Variants in CSMD2 observed in about 807,000 individuals in gnomAD.
The protein encoded by CSMD2 is CUB and Sushi multiple domains 2, also known as CUB and sushi domain-containing protein 2.
In CSMD2, 130 loss-of-function variants were observed where a neutral mutation model predicts 398.5. The observed-to-expected ratio is 0.33, with a 90% CI of 0.28 to 0.38. CSMD2 has a LOEUF of 0.38. Ranked by LOEUF, CSMD2 falls within the 10% of genes least tolerant of loss-of-function variation. CSMD2 has a pLI of 1.00. For synonymous variants in CSMD2, 1,828 were observed against 1,908.5 expected, an observed-to-expected ratio of 0.96 and a Z score of 1.10; for missense variants, 3,829 against 4,764.9, an observed-to-expected ratio of 0.80 and a Z score of 5.78.
At chr1:34,109,009 C>T (rs188769624) in intron 1 of CSMD2, among the ~76,000 whole-genome samples, 11 of 152,280 alleles carry the variant, frequency 7.2e-5, no homozygotes, top group Admixed American at 3.3e-4. Context: ...CATGTGGTCA[C>T]CAGCTGTTGG....
intron 19 of CSMD2, among the ~76,000 whole-genome samples, chr1:33,718,979 A>G (rs1225299304): frequency 6.6e-6 from 1 of 152,222 alleles, no homozygotes; most frequent in Non-Finnish European, 1.5e-5. Flanking sequence ...GCACCTACCA[A>G]GTGCCAGGCC....
intron 56 of CSMD2, among the ~76,000 whole-genome samples, chr1:33,546,520 C>G (rs1656911870): frequency 6.6e-6 from 1 of 152,242 alleles, no homozygotes; most frequent in Admixed American, 6.5e-5. Flanking sequence ...CACAGGTCCT[C>G]CTTCTCCCCT....
intron 25 of CSMD2, among the ~76,000 whole-genome samples, chr1:33,679,519 G>C (rs1644833431): frequency 6.6e-6 from 1 of 152,178 alleles, no homozygotes; most frequent in African/African-American, 2.4e-5. Flanking sequence ...AGTTCTGAGA[G>C]AGCTAACTTG....
chr1:34,115,780 A>C (rs1381426254), intron 1 of CSMD2, among the ~76,000 whole-genome samples: 2 of 152,116 alleles, frequency 1.3e-5, no homozygotes, highest in African/African-American at 4.8e-5. Flanking sequence ...CAAAATTGTA[A>C]AAGGTGAAAT....
chr1:34,151,204 A>AG, intron 1 of CSMD2, among the ~76,000 whole-genome samples: 1 of 152,248 alleles, frequency 6.6e-6, no homozygotes, highest in African/African-American at 2.4e-5. Flanking sequence ...TTAGTAGCTT[A>AG]TAACTGTCCC....
chr1:33,706,736 C>G (rs994271389), intron 22 of CSMD2, among the ~76,000 whole-genome samples: 1 of 152,102 alleles, frequency 6.6e-6, no homozygotes, highest in Non-Finnish European at 1.5e-5. Flanking sequence ...GAGGCCGTAG[C>G]AGGAGCATTT....
intron 2 of CSMD2, among the ~76,000 whole-genome samples, chr1:34,065,918 C>T (rs1409585647): frequency 1.3e-5 from 2 of 152,206 alleles, no homozygotes; most frequent in East Asian, 1.9e-4. Context: ...ATCAGAAGTT[C>T]AGAGGGATCC....
In CSMD2 at chr1:34,143,288, A is replaced by AT. The variant is rs1460765299; in HGVS notation, c.187+21622dup. On this transcript the variant is annotated intron_variant, in intron 1 of 70. Coordinates refer to ENST00000373381, the MANE Select transcript of CSMD2 (RefSeq NM_001281956.2). ...GCAGCAGCCTCCCAGGCCATTAACA[A>AT]TAATAGCTTTACCAGGTGAAAAACT... Among the ~76,000 whole-genome samples the AT allele has an allele frequency of 2.6e-5, 4 of 152,038 alleles. No homozygotes were observed. In the East Asian group the frequency reaches 7.7e-4, roughly 29 times the overall value.
intron 40 of CSMD2, among the ~76,000 whole-genome samples, chr1:33,613,393 T>A (rs1435549583): frequency 1.3e-5 from 2 of 152,192 alleles, no homozygotes; most frequent in African/African-American, 4.8e-5. Flanking sequence ...CCTCTTAATG[T>A]CTCAAAGTCT....
intron 26 of CSMD2, among the ~76,000 whole-genome samples, chr1:33,661,830 A>C (rs569150954): frequency 6.6e-6 from 1 of 152,290 alleles, no homozygotes; most frequent in Non-Finnish European, 1.5e-5. Context: ...GATATACCCC[A>C]ACCACCCTTA....
intron 5 of CSMD2, among the ~76,000 whole-genome samples, chr1:33,914,779 C>T (rs751518833): frequency 4.6e-5 from 7 of 152,188 alleles, no homozygotes; most frequent in South Asian, 2.1e-4. Flanking sequence ...GTGTGCTCCC[C>T]GCACCTTATC....
intron 22 of CSMD2, among the ~76,000 whole-genome samples, chr1:33,707,693 GCGCACACACACA>G (rs1265238976): frequency 9.6e-4 from 45 of 46,954 alleles, no homozygotes; most frequent in African/African-American, 2.5e-3. Flanking sequence ...ACGCGCGCGC[GCGCACACACACA>G]CACACACACA....
intron 19 of CSMD2, among the ~76,000 whole-genome samples, chr1:33,722,156 G>C (rs951666080): frequency 2.0e-5 from 3 of 152,062 alleles, no homozygotes; most frequent in Admixed American, 6.6e-5. Flanking sequence ...TAATATCTTA[G>C]GGGAAATCTT....
intron 29 of CSMD2, among the ~76,000 whole-genome samples, chr1:33,641,255 C>A (rs1643093418): frequency 6.6e-6 from 1 of 152,228 alleles, no homozygotes; most frequent in Non-Finnish European, 1.5e-5. Context: ...GATTACTTTG[C>A]TCCCTGCTGT....
At chr1:33,620,400 G>A (rs758805850) in intron 37 of CSMD2, among the ~76,000 whole-genome samples, 5 of 152,190 alleles carry the variant, frequency 3.3e-5, no homozygotes, top group Non-Finnish European at 5.9e-5. Context: ...CCAGTGGGAA[G>A]CTCTGTTTCT....
intron 3 of CSMD2, among the ~76,000 whole-genome samples, chr1:33,960,856 C>T (rs1381671247): frequency 6.6e-6 from 1 of 152,182 alleles, no homozygotes; most frequent in African/African-American, 2.4e-5. Flanking sequence ...GAGGGCGACT[C>T]TGGAATTAGT....
intron 48 of CSMD2, among the ~76,000 whole-genome samples, chr1:33,578,143 C>T (rs1405933417): frequency 6.6e-6 from 1 of 152,188 alleles, no homozygotes; most frequent in Non-Finnish European, 1.5e-5. Flanking sequence ...CTGTGGCAAC[C>T]TGGGACACAC....
chr1:33,549,652 G>T (rs538987427), intron 56 of CSMD2, among the ~76,000 whole-genome samples: 1 of 152,326 alleles, frequency 6.6e-6, no homozygotes, highest in South Asian at 2.1e-4. Context: ...TAGAGAAGAA[G>T]ACTGTACCCC....
chr1:33,668,586 T>C (rs911630345), intron 25 of CSMD2, among the ~76,000 whole-genome samples: 1 of 152,230 alleles, frequency 6.6e-6, no homozygotes, highest in South Asian at 2.1e-4. Context: ...ACAGCCATTG[T>C]GGTTTGTGTG....
Sources: allele counts gnomAD v4.1 joint callset (sites outside exome capture counted in the v4.1 genomes callset), GRCh38; gene constraint gnomAD v4.1.1; transcripts MANE v1.5; gene names NCBI Gene and HGNC (gene_info 2026-07-23, HGNC 2026-07-21).